Variants in KLF12 observed in about 807,000 individuals in gnomAD.
KLF12 encodes Krueppel-like factor 12.
Under a neutral mutation model 37.8 loss-of-function variants are expected in KLF12, and 9 were observed. That is an observed-to-expected ratio of 0.24 (90% confidence interval 0.14 to 0.42). The LOEUF (loss-of-function observed/expected upper bound fraction) is 0.42, where lower values mean the gene tolerates loss of function less well. KLF12 is among the 10% of genes least tolerant of loss of function. KLF12 has a pLI of 1.00. For missense variants in KLF12, 411 were observed against 516.0 expected (o/e 0.80, Z 1.97); for synonymous variants, 208 against 202.1 (o/e 1.03, Z -0.25).
chr13:74,255,983 G>A, the KLF12 span, among the ~76,000 whole-genome samples: 5 of 152,006 alleles, frequency 3.3e-5, no homozygotes, highest in South Asian at 2.1e-4. Context: ...ATGAAACCCC[G>A]TCTCTGCTAA....
the KLF12 span, chr13:74,259,683 C>T: frequency 6.6e-6 from 1 of 152,104 alleles, no homozygotes; most frequent in Non-Finnish European, 1.5e-5. Flanking sequence ...CACTTCTTTC[C>T]TTTTATCTAC....
At chr13:74,273,760 C>G in the KLF12 span, among the ~76,000 whole-genome samples, 1 of 151,944 alleles carries the variant, frequency 6.6e-6, no homozygotes, top group Non-Finnish European at 1.5e-5. Context: ...CTGGGAAAAG[C>G]CAAGATCACC....
At chr13:74,218,270 G>T in the KLF12 span, among the ~76,000 whole-genome samples, 1 of 152,288 alleles carries the variant, frequency 6.6e-6, no homozygotes, top group East Asian at 1.9e-4. Context: ...ATAGGAAAAA[G>T]GGGGACATAC....
chr13:73,720,244 T>A (rs1324233196), intron 6 of KLF12, among the ~76,000 whole-genome samples: 1 of 152,122 alleles, frequency 6.6e-6, no homozygotes, highest in East Asian at 1.9e-4. Context: ...CAGCTGGGTG[T>A]TTTCACTCTG....
the KLF12 span, among the ~76,000 whole-genome samples, chr13:74,152,120 TC>T: frequency 1.3e-5 from 2 of 152,136 alleles, no homozygotes; most frequent in Non-Finnish European, 1.5e-5. Flanking sequence ...AGAAAAACAG[TC>T]CACTGGGCTC....
chr13:74,293,430 T>A, the KLF12 span, among the ~76,000 whole-genome samples: 1 of 152,182 alleles, frequency 6.6e-6, no homozygotes. Context: ...GATTAGTAAA[T>A]GCAGGATATA....
intron 1 of KLF12, among the ~76,000 whole-genome samples, chr13:74,075,725 T>G (rs1593879162): frequency 6.6e-6 from 1 of 152,152 alleles, no homozygotes; most frequent in African/African-American, 2.4e-5. Context: ...ATCAATGTAC[T>G]TTGTTTCTCT....
At chr13:73,699,534 T>G (rs896987159) in intron 7 of KLF12, among the ~76,000 whole-genome samples, 4 of 152,214 alleles carry the variant, frequency 2.6e-5, no homozygotes, top group African/African-American at 7.2e-5. Flanking sequence ...GAAGGTCACA[T>G]GGTATGAAGA....
At chr13:74,101,273 G>A (rs1209591212) in intron 1 of KLF12, among the ~76,000 whole-genome samples, 1 of 152,148 alleles carries the variant, frequency 6.6e-6, no homozygotes, top group East Asian at 1.9e-4. Flanking sequence ...CCCCTGTGAA[G>A]AGGGTATTCA....
At chr13:74,113,510 G>A (rs1395081864) in intron 1 of KLF12, among the ~76,000 whole-genome samples, 1 of 152,134 alleles carries the variant, frequency 6.6e-6, no homozygotes, top group Non-Finnish European at 1.5e-5. Flanking sequence ...CTTTATAAAT[G>A]GAACAACAAA....
chr13:73,895,348 A>G (rs2139046912), intron 3 of KLF12, among the ~76,000 whole-genome samples: 2 of 152,288 alleles, frequency 1.3e-5, no homozygotes, highest in Middle Eastern at 6.8e-3. Flanking sequence ...AGTTTTTCCA[A>G]TGGTGTGCTT....
chr13:73,918,421 C>T (rs540852913), intron 3 of KLF12, among the ~76,000 whole-genome samples: 1 of 152,256 alleles, frequency 6.6e-6, no homozygotes, highest in South Asian at 2.1e-4. Context: ...ATCCTCCAGT[C>T]CATGATGTAG....
intron 1 of KLF12, among the ~76,000 whole-genome samples, chr13:74,053,569 G>T (rs1390976783): frequency 2.6e-5 from 4 of 152,092 alleles, no homozygotes; most frequent in African/African-American, 9.7e-5. Context: ...GCAAGCACTG[G>T]AACAGGATAC....
At chr13:74,296,208 G>A in the KLF12 span, among the ~76,000 whole-genome samples, 52 of 151,250 alleles carry the variant, frequency 3.4e-4, no homozygotes, top group Middle Eastern at 3.4e-3. Flanking sequence ...CCGATTCCTT[G>A]ATTATTCTTT....
At chr13:74,118,824 C>T (rs1262251611) in intron 1 of KLF12, among the ~76,000 whole-genome samples, 1 of 151,830 alleles carries the variant, frequency 6.6e-6, no homozygotes, top group Non-Finnish European at 1.5e-5. Context: ...CAAACACAGA[C>T]CTCTTCCCAA....
intron 3 of KLF12, among the ~76,000 whole-genome samples, chr13:73,918,835 G>T (rs894489569): frequency 7.9e-5 from 12 of 152,132 alleles, no homozygotes; most frequent in African/African-American, 2.9e-4. Flanking sequence ...ACTCTAAACC[G>T]TGCTGCTATT....
intron 2 of KLF12, among the ~76,000 whole-genome samples, chr13:73,971,069 C>T (rs1030657723): frequency 1.3e-5 from 2 of 152,158 alleles, no homozygotes; most frequent in Admixed American, 6.5e-5. Flanking sequence ...ATATTGTAAG[C>T]ACCCAAAAAT....
At chr13:74,292,293 C>T in the KLF12 span, among the ~76,000 whole-genome samples, 6 of 152,100 alleles carry the variant, frequency 3.9e-5, no homozygotes, top group Non-Finnish European at 8.8e-5. Flanking sequence ...AGCTTTGCAA[C>T]CTTGATCATT....
At chr13:74,185,930 C>T in the KLF12 span, among the ~76,000 whole-genome samples, 1 of 152,156 alleles carries the variant, frequency 6.6e-6, no homozygotes, top group Non-Finnish European at 1.5e-5. Flanking sequence ...AGGTGTCAGC[C>T]ACTGCGACCG....
Sources: gnomAD v4.1 joint callset for allele counts (sites outside exome capture counted in the v4.1 genomes callset) on GRCh38, gnomAD v4.1.1 for gene constraint, MANE v1.5 for transcripts, NCBI Gene and HGNC (gene_info 2026-07-23, HGNC 2026-07-21) for gene names.